Variants in GRK5 observed in about 807,000 individuals in gnomAD.
GRK5 encodes the protein g protein-coupled receptor kinase GRK5.
A neutral mutation model predicts 78.4 loss-of-function variants in GRK5; 40 were observed. The ratio of observed to expected loss-of-function variants is 0.51; its 90% CI spans 0.40 to 0.66. The LOEUF is 0.66. GRK5 is among the 30% of genes least tolerant of loss of function. The pLI, the probability that GRK5 is intolerant of heterozygous loss-of-function variation, is 0.00. For synonymous variants in GRK5, 289 were observed against 296.8 expected (o/e 0.97, Z 0.27); for missense variants, 598 against 759.9 (o/e 0.79, Z 2.50).
chr10:119,393,557 AG>A (rs1851920951), intron 3 of GRK5, among the ~76,000 whole-genome samples: 1 of 152,208 alleles, frequency 6.6e-6, no homozygotes, highest in African/African-American at 2.4e-5. Context: ...CCATTTGCCC[AG>A]GGCCTGCGTC....
intron 1 of GRK5, among the ~76,000 whole-genome samples, chr10:119,325,969 C>A (rs1307520232): frequency 1.3e-5 from 2 of 152,226 alleles, no homozygotes; most frequent in African/African-American, 4.8e-5. Flanking sequence ...TTCCTTCCAG[C>A]CTCGGAGACT....
chr10:119,380,531 A>G (rs950924152), intron 2 of GRK5, among the ~76,000 whole-genome samples: 7 of 152,204 alleles, frequency 4.6e-5, no homozygotes, highest in Non-Finnish European at 7.4e-5. Flanking sequence ...CACCAAGGAG[A>G]TGGAATCACA....
chr10:119,431,626 A>T lies in GRK5; in HGVS notation c.738+99A>T. On this transcript the variant is annotated intron_variant, in intron 8 of 15. Transcript: ENST00000392870. The surrounding 1 kb of genome is among the most constrained non-coding windows in gnomAD (Gnocchi z 4.8). ...TGGTCCTCTAATGCGGCCGGTCCCC[A>T]CCCCTGGGAAGGGGAATGCCAGTGG... 7.1e-7 allele frequency: 1 copy of T among 1,398,656 alleles called. No homozygotes were observed. The highest frequency in any genetic ancestry group is 9.6e-7 in the Non-Finnish European group (1 of 1,037,230). 86.6% of individuals were successfully genotyped at this position (1,398,656 alleles called of 1,614,324 possible).
intron 1 of GRK5, among the ~76,000 whole-genome samples, chr10:119,316,858 C>T (rs1433044261): frequency 2.0e-5 from 3 of 152,248 alleles, no homozygotes; most frequent in Non-Finnish European, 2.9e-5. Flanking sequence ...TGTCTGGCCC[C>T]CCGTCCCTCC....
At chr10:119,440,396 T>TC (rs1326615459) in intron 10 of GRK5, among the ~76,000 whole-genome samples, 1 of 152,104 alleles carries the variant, frequency 6.6e-6, no homozygotes, top group African/African-American at 2.4e-5. Context: ...CTTTTTTTTT[T>TC]TTTGAGACAG....
chr10:119,245,853 T>TA (rs1849099031), intron 1 of GRK5, among the ~76,000 whole-genome samples: 1 of 151,042 alleles, frequency 6.6e-6, no homozygotes, highest in African/African-American at 2.4e-5. Flanking sequence ...CCGTCTCTAC[T>TA]AAAAAAATAC....
rs987130296 is a variant in GRK5 at position 119,391,666 on chromosome 10, C to T, written c.262-5029C>T. Among the ~76,000 whole-genome samples, 6 of 152,266 alleles carry T rather than the reference C, an allele frequency of 3.9e-5. No homozygotes were observed. The East Asian group carries it at 1.2e-3, about 29-fold the overall frequency. On this transcript the variant is annotated intron_variant, in intron 3 of 15. Transcript: ENST00000392870. ...CGGGGACGGAGCCAGCAGAAAACCA[C>T]CCCACCACTCCACCCCCACAGCAGG...
At chr10:119,402,768 C>T (rs1852170551) in intron 4 of GRK5, among the ~76,000 whole-genome samples, 2 of 152,302 alleles carry the variant, frequency 1.3e-5, no homozygotes. Context: ...GTACAAGAAT[C>T]GCTTGAACCA....
At chr10:119,272,331 C>G (rs555390829) in intron 1 of GRK5, among the ~76,000 whole-genome samples, 1 of 152,146 alleles carries the variant, frequency 6.6e-6, no homozygotes, top group Non-Finnish European at 1.5e-5. Context: ...AATCCCAGCA[C>G]TTTAGGAGGC....
chr10:119,329,686 C>T (rs1486460451), intron 2 of GRK5, among the ~76,000 whole-genome samples: 1 of 151,892 alleles, frequency 6.6e-6, no homozygotes, highest in South Asian at 2.1e-4. Flanking sequence ...GCCAAGATTG[C>T]GCCATTGCAC....
intron 2 of GRK5, among the ~76,000 whole-genome samples, chr10:119,377,819 A>G (rs1172824846): frequency 1.8e-4 from 27 of 152,394 alleles, no homozygotes; most frequent in Non-Finnish European, 4.4e-5. Context: ...CTTAAATCAC[A>G]TAAGCAGCAT....
At chr10:119,400,856 G>A (rs1852138099) in intron 4 of GRK5, among the ~76,000 whole-genome samples, 1 of 152,218 alleles carries the variant, frequency 6.6e-6, no homozygotes, top group African/African-American at 2.4e-5. Flanking sequence ...AGGGCCTTGC[G>A]AAACGGCAGA....
chr10:119,215,820 TATTTAAAAAAACA>T (rs2133701257), intron 1 of GRK5, among the ~76,000 whole-genome samples: 1 of 152,254 alleles, frequency 6.6e-6, no homozygotes, highest in Admixed American at 6.5e-5. Flanking sequence ...GCAGTCATTT[TATTTAAAAAAACA>T]ATTAAGTTGC....
intron 1 of GRK5, among the ~76,000 whole-genome samples, chr10:119,255,320 A>G (rs1320282414): frequency 6.6e-6 from 1 of 152,112 alleles, no homozygotes; most frequent in African/African-American, 2.4e-5. Flanking sequence ...CTTGGAACAC[A>G]AGATAGCAGG....
chr10:119,287,980 T>C (rs1849885746), intron 1 of GRK5, among the ~76,000 whole-genome samples: 1 of 152,226 alleles, frequency 6.6e-6, no homozygotes. Flanking sequence ...ATCCTAACCC[T>C]TTGCTTTTAG....
Position 119,378,829 on chromosome 10 carries a change from G to A in GRK5, c.149-1986G>A, listed in dbSNP as rs772354366. ...CTGGGAGGACTCCGGGGCCCCCACGGATCACAGGCCCTGACCTGATTGGCT... is the reference window on the plus strand; with the variant it reads ...CTGGGAGGACTCCGGGGCCCCCACGAATCACAGGCCCTGACCTGATTGGCT... On this transcript the variant is annotated intron_variant, in intron 2 of 15. Coordinates refer to ENST00000392870, the MANE Select transcript of GRK5 (RefSeq NM_005308.3). This position sits in a 1 kb window ranked among gnomAD's most constrained non-coding sequence, Gnocchi z 4.5. Among the ~76,000 whole-genome samples the A allele has an allele frequency of 1.2e-4, 18 of 152,234 alleles. No homozygotes were observed. The highest frequency in any genetic ancestry group is 2.4e-4 in the Non-Finnish European group (16 of 68,040).
chr10:119,394,036 G>A (rs1433632494), intron 3 of GRK5, among the ~76,000 whole-genome samples: 1 of 146,930 alleles, frequency 6.8e-6, no homozygotes, highest in Non-Finnish European at 1.5e-5. Flanking sequence ...TGTGTGGATG[G>A]GTATCTGTGG....
intron 1 of GRK5, among the ~76,000 whole-genome samples, chr10:119,325,222 C>T (rs1020672): frequency 0.7 from 106,608 of 152,154 alleles, 38,877 homozygotes; most frequent in Non-Finnish European, 0.8. Flanking sequence ...GTTTTCCCTC[C>T]TTTCAGCTTT....
chr10:119,236,188 A>T (rs1489647125), intron 1 of GRK5, among the ~76,000 whole-genome samples: 6 of 152,056 alleles, frequency 3.9e-5, no homozygotes, highest in Non-Finnish European at 8.8e-5. Flanking sequence ...TGTCTAGCCC[A>T]GAGGTTGCAA....
Sources: allele counts gnomAD v4.1 joint callset (sites outside exome capture counted in the v4.1 genomes callset), GRCh38; gene constraint gnomAD v4.1.1; non-coding constraint Gnocchi (gnomAD v3.1); transcripts MANE v1.5; gene names NCBI Gene and HGNC (gene_info 2026-07-23, HGNC 2026-07-21).